Variants in DAB1 observed in about 807,000 individuals in gnomAD.
DAB1 encodes disabled homolog 1.
Under a neutral mutation model 64.6 loss-of-function variants are expected in DAB1, and 15 were observed. That is an observed-to-expected ratio of 0.23 (90% CI 0.16 to 0.36). The LOEUF is 0.36. DAB1 is among the 10% of genes least tolerant of loss of function. The pLI is 1.00. For synonymous variants in DAB1, 235 were observed against 251.9 expected (o/e 0.93, Z 0.64); for missense variants, 596 against 706.7 (o/e 0.84, Z 1.78).
At chr1:57,598,819 G>C (rs895683178) in intron 7 of DAB1, among the ~76,000 whole-genome samples, 1 of 152,180 alleles carries the variant, frequency 6.6e-6, no homozygotes, top group Non-Finnish European at 1.5e-5. Flanking sequence ...CAACAGAGCA[G>C]GTTTACATCC....
chr1:58,335,598 G>A (rs1663094280), intron 4 of DAB1, among the ~76,000 whole-genome samples: 1 of 126,096 alleles, frequency 7.9e-6, no homozygotes, highest in South Asian at 2.5e-4. Flanking sequence ...TGGAGGCCAG[G>A]GTGGAAACGG....
intron 7 of DAB1, among the ~76,000 whole-genome samples, chr1:57,604,846 T>C (rs1361529890): frequency 6.6e-6 from 1 of 152,154 alleles, no homozygotes; most frequent in Non-Finnish European, 1.5e-5. Flanking sequence ...GTGAGACCCA[T>C]AGGAGTTGTG....
intron 3 of DAB1, among the ~76,000 whole-genome samples, chr1:58,370,384 T>C (rs1420755003): frequency 3.8e-4 from 32 of 83,758 alleles, no homozygotes; most frequent in African/African-American, 1.9e-3. Flanking sequence ...CGTGTGTGTG[T>C]GTGTGTGTGT....
intron 6 of DAB1, among the ~76,000 whole-genome samples, chr1:57,748,792 G>T (rs1474947536): frequency 1.4e-4 from 22 of 152,022 alleles, no homozygotes. Context: ...GATTCTTTGA[G>T]TCTATAGCAA....
intron 4 of DAB1, among the ~76,000 whole-genome samples, chr1:58,217,535 T>C (rs1658922123): frequency 6.6e-6 from 1 of 152,228 alleles, no homozygotes. Flanking sequence ...TTACACACAG[T>C]TATTTGCTTC....
At chr1:57,061,233 G>T (rs998734960) in intron 9 of DAB1, among the ~76,000 whole-genome samples, 18 of 151,062 alleles carry the variant, frequency 1.2e-4, no homozygotes, top group African/African-American at 4.2e-4. Context: ...TTAGATGGGG[G>T]GGGGGGGTGG....
intron 4 of DAB1, among the ~76,000 whole-genome samples, chr1:58,300,600 GA>G (rs1299690502): frequency 2.1e-3 from 81 of 38,732 alleles, no homozygotes; most frequent in African/African-American, 6.8e-3. Context: ...AAGAAAGAAA[GA>G]AAGAAAGAAA....
intron 4 of DAB1, among the ~76,000 whole-genome samples, chr1:58,274,851 GC>G (rs1433745907): frequency 2.6e-5 from 4 of 151,942 alleles, no homozygotes; most frequent in Non-Finnish European, 4.4e-5. Flanking sequence ...GCAATGCCTC[GC>G]CCTGCTTCGG....
At chr1:58,381,312 G>GA (rs964958959) in intron 3 of DAB1, among the ~76,000 whole-genome samples, 13 of 148,068 alleles carry the variant, frequency 8.8e-5, no homozygotes, top group South Asian at 8.6e-4. Context: ...AATAAAAGTT[G>GA]AAAAAAAAAA....
chr1:58,356,889 G>A (rs1644116592), intron 3 of DAB1, among the ~76,000 whole-genome samples: 2 of 152,040 alleles, frequency 1.3e-5, no homozygotes, highest in East Asian at 1.9e-4. Context: ...GCTGGGAATG[G>A]TGGTGCATGC....
chr1:58,328,511 C>T (rs1662892961), intron 4 of DAB1, among the ~76,000 whole-genome samples: 1 of 152,224 alleles, frequency 6.6e-6, no homozygotes, highest in African/African-American at 2.4e-5. Context: ...CCCTTTGCCG[C>T]AGCAGCCACA....
At chr1:57,589,611 G>A (rs1246102551) in intron 7 of DAB1, among the ~76,000 whole-genome samples, 1 of 152,002 alleles carries the variant, frequency 6.6e-6, no homozygotes, top group Non-Finnish European at 1.5e-5. Flanking sequence ...ACAGAAATTA[G>A]CCAGGTGTGG....
At position 58,166,080 on chromosome 1, in the gene DAB1, T is replaced by C. The variant is rs567347536; in HGVS notation, n.310-15492A>G. On this transcript the variant is annotated intron_variant and non_coding_transcript_variant, in intron 4 of 20. Transcript: ENST00000485760. ...CTATGCAATTTTGCCTCTCTGTACT[T>C]AAAGAGGAAGAGAAGAAGTCACATT... 3.3e-5 allele frequency among the ~76,000 whole-genome samples: 5 copies of C among 152,284 alleles called. No homozygotes were observed. In the South Asian group the frequency reaches 1.0e-3, roughly 32 times the overall value.
intron 4 of DAB1, among the ~76,000 whole-genome samples, chr1:58,161,277 T>A (rs898453613): frequency 6.6e-6 from 1 of 152,208 alleles, no homozygotes; most frequent in Non-Finnish European, 1.5e-5. Flanking sequence ...TAAAGCCTTA[T>A]AAACAGACAT....
chr1:58,190,470 T>C (rs677451), intron 4 of DAB1, among the ~76,000 whole-genome samples: 1 of 151,572 alleles, frequency 6.6e-6, no homozygotes, highest in Non-Finnish European at 1.5e-5. Context: ...GCTAGCAGTC[T>C]GTCATGCACA....
At chr1:57,683,278 C>T (rs1056604676) in intron 6 of DAB1, among the ~76,000 whole-genome samples, 2 of 152,078 alleles carry the variant, frequency 1.3e-5, no homozygotes, top group African/African-American at 4.8e-5. Flanking sequence ...TGTCCTCTGC[C>T]CGAGCGAGCC....
chr1:57,364,746 A>G (rs1679830349), intron 1 of DAB1, among the ~76,000 whole-genome samples: 1 of 151,808 alleles, frequency 6.6e-6, no homozygotes, highest in Non-Finnish European at 1.5e-5. Context: ...TGAAAATACA[A>G]TGATAATCAA....
chr1:58,069,208 T>C (rs1338345916), intron 5 of DAB1, among the ~76,000 whole-genome samples: 1 of 152,202 alleles, frequency 6.6e-6, no homozygotes, highest in Non-Finnish European at 1.5e-5. Context: ...CCAACATGCG[T>C]TTGTTGAGCA....
chr1:57,540,071 T>C (rs953659249), intron 7 of DAB1, among the ~76,000 whole-genome samples: 1 of 152,334 alleles, frequency 6.6e-6, no homozygotes, highest in Middle Eastern at 3.4e-3. Flanking sequence ...GCACACTTAT[T>C]GAATATCTAC....
Sources: allele counts gnomAD v4.1 joint callset (sites outside exome capture counted in the v4.1 genomes callset), GRCh38; gene constraint gnomAD v4.1.1; transcripts MANE v1.5; gene names NCBI Gene and HGNC (gene_info 2026-07-23, HGNC 2026-07-21).